The following SLBP variants were observed in gnomAD, a reference collection of about 807,000 sequenced individuals.
SLBP encodes stem-loop histone mRNA binding protein.
A neutral mutation model predicts 39.2 loss-of-function variants in SLBP; 29 were observed. The observed-to-expected ratio is 0.74, with a 90% confidence interval of 0.55 to 1.01. The LOEUF (loss-of-function observed/expected upper bound fraction) is 1.01. Ranked by LOEUF, SLBP falls within the 50% of genes least tolerant of loss-of-function variation. The pLI is 0.00. For missense variants in SLBP, 390 were observed against 350.2 expected (o/e 1.11, Z -0.91); for synonymous variants, 129 against 118.7 (o/e 1.09, Z -0.57).
chr4:1,711,994 C>CG lies in SLBP; in HGVS notation c.60-5dup. The CG allele has an allele frequency of 7.8e-7, 1 of 1,287,814 alleles. No homozygotes were observed. The highest frequency in any genetic ancestry group is 2.3e-5 in the South Asian group (1 of 44,356). The allele number at this position is 1,287,814 out of a possible 1,614,324, so 79.8% of individuals were successfully genotyped here. Reference sequence around the variant, plus strand: ...CCATCGCGCGGGGGACGGCGGGCTGCGGGGAGGGACGCGGTCGGCTGGGCA... The same window carrying CG: ...CCATCGCGCGGGGGACGGCGGGCTGCGGGGGAGGGACGCGGTCGGCTGGGCA... On this transcript the variant is annotated splice_polypyrimidine_tract_variant and splice_region_variant and intron_variant, in intron 1 of 7. Coordinates refer to ENST00000489418, the MANE Select transcript of SLBP (RefSeq NM_006527.4).
At chr4:1,711,581 G>C (rs974813572) in intron 2 of SLBP, among the ~76,000 whole-genome samples, 1 of 152,214 alleles carries the variant, frequency 6.6e-6, no homozygotes, top group East Asian at 1.9e-4. Context: ...TTCACGAGAA[G>C]CTCGTCAGAG....
rs770486797 is a variant in SLBP, at chr4:1,703,634, T to G, written c.243A>C (p.Glu81Asp). The G allele has an allele frequency of 2.5e-6, 4 of 1,613,852 alleles. No homozygotes were observed. Among genetic ancestry groups the G allele is most frequent in the Admixed American group, 1.7e-5 (1 of 60,028 alleles). ...TGTTAACTCTGGTCCTCATTTCATC[T>G]TCTTCAACTGCACTTGCCCAGTCAG... ...RCSDWASAVEEDEMRTRVNKE... is the reference protein window; with the variant it reads ...RCSDWASAVEDDEMRTRVNKE... Residue 81 changes from glutamate (E) to aspartate (D), a missense_variant, in exon 3 of 8, where the codon GAA becomes GAC. By Grantham distance (45) the Glu-to-Asp change is conservative. Transcript: ENST00000489418.
At chr4:1,706,676 C>T (rs1484643920) in intron 2 of SLBP, among the ~76,000 whole-genome samples, 3 of 151,778 alleles carry the variant, frequency 2.0e-5, no homozygotes, top group East Asian at 2.0e-4. Context: ...CGTGGCAGCG[C>T]GTGTCTGTAA....
chr4:1,709,205 A>G (rs1418178942), intron 2 of SLBP, among the ~76,000 whole-genome samples: 2 of 152,120 alleles, frequency 1.3e-5, no homozygotes, highest in African/African-American at 4.8e-5. Context: ...CTGGGATTAC[A>G]GGCATGCGCC....
At chr4:1,710,265 C>T (rs931132443) in intron 2 of SLBP, among the ~76,000 whole-genome samples, 6 of 152,216 alleles carry the variant, frequency 3.9e-5, no homozygotes, top group South Asian at 2.1e-4. Context: ...TCCTACACTC[C>T]GTTACCTTTC....
chr4:1,712,006 C>T lies in SLBP; in HGVS notation c.60-16G>A. The T allele has an allele frequency of 7.8e-7, 1 of 1,284,950 alleles. No individual in the cohort carries two copies. Among genetic ancestry groups the T allele is most frequent in the South Asian group, 2.3e-5 (1 of 44,010 alleles). The allele number at this position is 1,284,950 out of a possible 1,614,324, so 79.6% of individuals were successfully genotyped here. ...GGACGGCGGGCTGCGGGGAGGGACGCGGTCGGCTGGGCACGGGAGGTTCGG... is the reference window on the plus strand; with the variant it reads ...GGACGGCGGGCTGCGGGGAGGGACGTGGTCGGCTGGGCACGGGAGGTTCGG... On this transcript the variant is annotated splice_polypyrimidine_tract_variant and intron_variant, in intron 1 of 7. Coordinates refer to ENST00000489418, the MANE Select transcript of SLBP (RefSeq NM_006527.4).
Position 1,699,568 on chromosome 4 carries a change from G to A in SLBP, c.475C>T (p.Pro159Ser). 2 of 1,613,900 alleles carry A rather than the reference G, an allele frequency of 1.2e-6. No homozygotes were observed. Among genetic ancestry groups the A allele is most frequent in the Non-Finnish European group, 1.7e-6 (2 of 1,179,884 alleles). ...ATGCCACTGAAACAAGACTACCTTGGGACTTCTTTAATATAACGATCGTAG... is the reference window on the plus strand; with the variant it reads ...ATGCCACTGAAACAAGACTACCTTGAGACTTCTTTAATATAACGATCGTAG... ...IAYDRYIKEV[P>S]RHLRQPGIHP... The change falls in exon 5 of 8, where the codon CCA (proline) becomes TCA (serine). Residue 159 changes from proline to serine, a missense_variant. By Grantham distance (74) the Pro-to-Ser change is moderately conservative. Coordinates refer to ENST00000489418, the MANE Select transcript of SLBP (RefSeq NM_006527.4).
At chr4:1,709,768 C>T (rs928580202) in intron 2 of SLBP, among the ~76,000 whole-genome samples, 6 of 152,150 alleles carry the variant, frequency 3.9e-5, no homozygotes, top group Admixed American at 1.3e-4. Context: ...CCCGCTACCA[C>T]GCCCGGCTAA....
intron 4 of SLBP, 84 bp downstream of exon 4, chr4:1,699,927 A>G: frequency 4.9e-6 from 5 of 1,011,286 alleles, no homozygotes; most frequent in East Asian, 2.4e-5. Flanking sequence ...TGCGACAGTC[A>G]GCATTTCTGA....
intron 2 of SLBP, among the ~76,000 whole-genome samples, chr4:1,707,684 T>C (rs574244814): frequency 6.6e-6 from 1 of 152,080 alleles, no homozygotes; most frequent in East Asian, 1.9e-4. Context: ...CACAGGCTCA[T>C]GCCTGTGACC....
rs532657927 is a variant in SLBP, at chr4:1,703,504, T to C, written c.281+92A>G. Reference sequence around the variant, plus strand: ...ATGCCTTTGGTCTGGAGCCCAGACCTTTGAAAACCACTGTTCTAAGACAAA... The same window carrying C: ...ATGCCTTTGGTCTGGAGCCCAGACCCTTGAAAACCACTGTTCTAAGACAAA... On this transcript the variant is annotated intron_variant, in intron 3 of 7. Coordinates refer to ENST00000489418, the MANE Select transcript of SLBP (RefSeq NM_006527.4). 79 of 863,474 alleles carry C rather than the reference T, an allele frequency of 9.1e-5. No homozygotes were observed. The African/African-American group carries it at 1.1e-3, about 12-fold the overall frequency. 53.5% of individuals were successfully genotyped at this position (863,474 alleles called of 1,614,324 possible).
chr4:1,712,316 C>A lies in SLBP; in HGVS notation c.-128G>T. 1 of 524,116 alleles carries A rather than the reference C, an allele frequency of 1.9e-6. No individual in the cohort carries two copies. The highest frequency in any genetic ancestry group is 3.0e-6 in the Non-Finnish European group (1 of 332,898). 32.5% of individuals were successfully genotyped at this position (524,116 alleles called of 1,614,324 possible). The stretch of plus-strand genomic sequence containing the variant: ...GCGTCCCCGCGCCGGCGCTCACGAG[C>A]TCTGCGCGCCCCGCCCCCAACCGCC... On this transcript the variant is annotated 5_prime_UTR_variant, in exon 1 of 8. Coordinates refer to ENST00000489418, the MANE Select transcript of SLBP (RefSeq NM_006527.4).
Position 1,693,408 on chromosome 4 carries a change from T to G in SLBP, c.*189A>C. On this transcript the variant is annotated 3_prime_UTR_variant, in exon 8 of 8. Coordinates refer to ENST00000489418, the MANE Select transcript of SLBP (RefSeq NM_006527.4). ...TTAGCTCCATTTACAATTTAAAACATGCAAAATATACTCACTATACATAAA... is the reference window on the plus strand; with the variant it reads ...TTAGCTCCATTTACAATTTAAAACAGGCAAAATATACTCACTATACATAAA... 1.9e-6 allele frequency: 1 copy of G among 538,558 alleles called. No individual in the cohort carries two copies. The highest frequency in any genetic ancestry group is 3.3e-6 in the Non-Finnish European group (1 of 300,482). 33.4% of individuals were successfully genotyped at this position (538,558 alleles called of 1,614,324 possible).
intron 3 of SLBP, among the ~76,000 whole-genome samples, chr4:1,703,059 A>G (rs889717231): frequency 1.5e-4 from 23 of 152,040 alleles, no homozygotes; most frequent in Non-Finnish European, 2.8e-4. Flanking sequence ...AAACATAGTG[A>G]AACCCCATCT....
chr4:1,708,689 G>A (rs1164391371), intron 2 of SLBP, among the ~76,000 whole-genome samples: 1 of 152,136 alleles, frequency 6.6e-6, no homozygotes, highest in Non-Finnish European at 1.5e-5. Flanking sequence ...GATTAAGTAG[G>A]TTATATTCAT....
Position 1,695,493 on chromosome 4 carries a change from T to C in SLBP, c.630-653A>G, listed in dbSNP as rs146175165. ...AAGTTCAGGCCTGAGACATTTCAAC[T>C]AGGCACAAGTTTAAAGGCCAACGGG... On this transcript the variant is annotated intron_variant, in intron 6 of 7. Coordinates refer to ENST00000489418, the MANE Select transcript of SLBP (RefSeq NM_006527.4). Among the ~76,000 whole-genome samples, 655 of 152,238 alleles carry C rather than the reference T, an allele frequency of 4.3e-3. 3 individuals are homozygous for C. The highest frequency in any genetic ancestry group is 0.015 in the African/African-American group (631 of 41,552).
chr4:1,703,789 G>A, intron 2 of SLBP, 89 bp from the exon 3 acceptor site: 1 of 954,668 alleles, frequency 1.0e-6, no homozygotes. Flanking sequence ...AGGCTGGTGG[G>A]ACACAGTGGC....
chr4:1,696,501 G>C, intron 5 of SLBP, 150 bp from the exon 6 acceptor site: 1 of 619,702 alleles, frequency 1.6e-6, no homozygotes, highest in Non-Finnish European at 2.5e-6. Context: ...CTAGCATTTT[G>C]GGAGGTCATG....
At chr4:1,698,873 C>T (rs1401701661) in intron 5 of SLBP, among the ~76,000 whole-genome samples, 10 of 151,984 alleles carry the variant, frequency 6.6e-5, no homozygotes, top group African/African-American at 1.7e-4. Context: ...TTCACTGTAA[C>T]GTTGAATTCC....
Sources: allele counts gnomAD v4.1 joint callset (sites outside exome capture counted in the v4.1 genomes callset), GRCh38; gene constraint gnomAD v4.1.1; transcripts MANE v1.5; gene names NCBI Gene and HGNC (gene_info 2026-07-23, HGNC 2026-07-21).